RAD21: variants seen among roughly 807,000 people sequenced by gnomAD.
RAD21 encodes the protein double-strand-break repair protein rad21 homolog.
A neutral mutation model predicts 71.5 loss-of-function variants in RAD21; 18 were observed. The observed-to-expected ratio is 0.25, with a 90% CI of 0.17 to 0.37. RAD21 has a LOEUF of 0.37. Ranked by LOEUF, RAD21 falls within the 10% of genes least tolerant of loss-of-function variation. The probability of loss-of-function intolerance (pLI) is 1.00; values close to 1 mark genes in which losing one functional copy is unlikely to be tolerated. For synonymous variants in RAD21, 248 were observed against 254.0 expected, an observed-to-expected ratio of 0.98 and a Z score of 0.22; for missense variants, 493 against 769.1, an observed-to-expected ratio of 0.64 and a Z score of 4.25.
At chr8:116,857,594 T>C in intron 5 of RAD21, 121 bp from the exon 6 acceptor site, 2 of 837,756 alleles carry the variant, frequency 2.4e-6, no homozygotes, top group East Asian at 2.7e-5. Context: ...TTACTTCAAA[T>C]GTTAAAATAT....
intron 2 of RAD21, among the ~76,000 whole-genome samples, chr8:116,864,459 G>A (rs373132439): frequency 6.6e-6 from 1 of 151,998 alleles, no homozygotes; most frequent in African/African-American, 2.4e-5. Flanking sequence ...AGCATTTTAT[G>A]TGACTTACAG....
intron 8 of RAD21, among the ~76,000 whole-genome samples, chr8:116,855,902 C>T (rs1286146234): frequency 6.6e-6 from 1 of 152,108 alleles, no homozygotes; most frequent in African/African-American, 2.4e-5. Context: ...TTTTGTATTT[C>T]ACAGCAACTT....
At chr8:116,856,094 A>G in intron 8 of RAD21, 72 bp downstream of exon 8, 2 of 1,514,058 alleles carry the variant, frequency 1.3e-6, no homozygotes, top group South Asian at 1.2e-5. Flanking sequence ...GTAGCAGATC[A>G]GTAGACAGGC....
intron 1 of RAD21, among the ~76,000 whole-genome samples, chr8:116,869,355 C>G (rs945095557): frequency 1.3e-5 from 2 of 152,160 alleles, no homozygotes; most frequent in African/African-American, 4.8e-5. Flanking sequence ...CAGGCCAAGA[C>G]AGGCAGATCA....
rs7831930 is a variant in RAD21 at position 116,850,472 on chromosome 8, C to T, written c.1620+146G>A. On this transcript the variant is annotated intron_variant, in intron 12 of 13. Transcript: ENST00000297338. ...ATGTTCCTAATGATGATCAATACCA[C>T]GAAGAATATGGTAAAATTTTGCTTA... 0.022 allele frequency: 28,559 copies of T among 1,322,076 alleles called. 463 individuals are homozygous for T. Among genetic ancestry groups the T allele is most frequent in the Middle Eastern group, 0.071 (253 of 3,578 alleles). 81.9% of individuals were successfully genotyped at this position (1,322,076 alleles called of 1,614,324 possible). A position where few individuals can be genotyped will look rare whatever the true frequency, so the allele number is the denominator to read the frequency against.
chr8:116,863,742 C>T (rs138890344), intron 2 of RAD21, among the ~76,000 whole-genome samples: 77 of 152,172 alleles, frequency 5.1e-4, no homozygotes, highest in African/African-American at 1.8e-3. Context: ...TCTCTTCCTT[C>T]CCTCTTTCCT....
At position 116,847,328 on chromosome 8, in the gene RAD21, C is replaced by T; in HGVS notation, c.*172G>A. ...CACAACCCATCTAATCAGTTTCCCT[C>T]AAAGATGAAATTGACAAATTTAATG... On this transcript the variant is annotated 3_prime_UTR_variant, in exon 14 of 14. Coordinates refer to ENST00000297338, the MANE Select transcript of RAD21 (RefSeq NM_006265.3). 1.8e-6 allele frequency: 1 copy of T among 567,052 alleles called. No homozygotes were observed. Among genetic ancestry groups the T allele is most frequent in the South Asian group, 2.8e-5 (1 of 36,306 alleles). 35.1% of individuals were successfully genotyped at this position (567,052 alleles called of 1,614,324 possible). A position where few individuals can be genotyped will look rare whatever the true frequency, so the allele number is the denominator to read the frequency against.
At position 116,856,290 on chromosome 8, in the gene RAD21, TGTA is replaced by T; in HGVS notation, c.815-5_815-3del. The T allele has an allele frequency of 7.6e-7, 1 of 1,311,862 alleles. No individual in the cohort carries two copies. Among genetic ancestry groups the T allele is most frequent in the Non-Finnish European group, 9.6e-7 (1 of 1,045,342 alleles). The allele number at this position is 1,311,862 out of a possible 1,614,324, so 81.3% of individuals were successfully genotyped here. A position where few individuals can be genotyped will look rare whatever the true frequency, so the allele number is the denominator to read the frequency against. ...AATCAGGACTATCAGGCCCACCCACTGTAAAAAAAAAAAAAAAAAAAAAAAGTC... is the reference window on the plus strand; with the variant it reads ...AATCAGGACTATCAGGCCCACCCACTAAAAAAAAAAAAAAAAAAAAAAGTC... On this transcript the variant is annotated splice_polypyrimidine_tract_variant and splice_region_variant and intron_variant, in intron 7 of 13. Transcript: ENST00000297338.
chr8:116,857,577 TGA>T, intron 5 of RAD21, 104 bp from the exon 6 acceptor site: 1 of 977,544 alleles, frequency 1.0e-6, no homozygotes, highest in Non-Finnish European at 1.5e-6. Flanking sequence ...ATTTGCTTAC[TGA>T]AGTCTTACTT....
At chr8:116,867,618 G>T (rs967750083) in intron 1 of RAD21, among the ~76,000 whole-genome samples, 1 of 152,136 alleles carries the variant, frequency 6.6e-6, no homozygotes, top group Non-Finnish European at 1.5e-5. Context: ...TTCAGAGAAT[G>T]AATTTCCAGA....
At chr8:116,852,961 A>G (rs1174065908) in intron 9 of RAD21, among the ~76,000 whole-genome samples, 5 of 152,226 alleles carry the variant, frequency 3.3e-5, no homozygotes, top group African/African-American at 1.2e-4. Context: ...TTTTCTATTT[A>G]TCTGCCTGCA....
At chr8:116,869,392 C>A (rs1322609965) in intron 1 of RAD21, among the ~76,000 whole-genome samples, 1 of 152,194 alleles carries the variant, frequency 6.6e-6, no homozygotes, top group East Asian at 1.9e-4. Context: ...CAAGACCAGT[C>A]AGGACAATTT....
At position 116,846,361 on chromosome 8, in the gene RAD21, T is replaced by C. The variant is rs1812252986; in HGVS notation, c.*1139A>G. On this transcript the variant is annotated 3_prime_UTR_variant, in exon 14 of 14. Transcript: ENST00000297338. Reference sequence around the variant, plus strand: ...TCAGTGTTAACTTTGCCCTAAAAAGTTAAGACATTCTGATAATCATAACAG... The same window carrying C: ...TCAGTGTTAACTTTGCCCTAAAAAGCTAAGACATTCTGATAATCATAACAG... The C allele has an allele frequency of 5.4e-6, 1 of 185,452 alleles. No individual in the cohort carries two copies. The highest frequency in any genetic ancestry group is 3.4e-4 in the South Asian group (1 of 2,964). 11.5% of individuals were successfully genotyped at this position (185,452 alleles called of 1,614,324 possible).
intron 11 of RAD21, 154 bp downstream of exon 11, chr8:116,851,794 G>T: frequency 1.6e-6 from 1 of 640,786 alleles, no homozygotes; most frequent in Non-Finnish European, 2.5e-6. Flanking sequence ...ACTCCGAGTG[G>T]ACTGTCTATA....
At chr8:116,865,693 A>C (rs1453606878) in intron 2 of RAD21, among the ~76,000 whole-genome samples, 1 of 152,166 alleles carries the variant, frequency 6.6e-6, no homozygotes, top group African/African-American at 2.4e-5. Flanking sequence ...CATCTACAGA[A>C]ATCTGTAATA....
rs35902828 is a variant in RAD21, at chr8:116,856,292, TAA to T, written c.815-6_815-5del. 0.12 allele frequency: 123,945 copies of T among 1,029,390 alleles called. 4 individuals carry two copies. Among genetic ancestry groups the T allele is most frequent in the East Asian group, 0.17 (4,821 of 27,836 alleles). 63.8% of individuals were successfully genotyped at this position (1,029,390 alleles called of 1,614,324 possible). ...TCAGGACTATCAGGCCCACCCACTG[TAA>T]AAAAAAAAAAAAAAAAAAAAAGTCA... On this transcript the variant is annotated splice_polypyrimidine_tract_variant and splice_region_variant and intron_variant, in intron 7 of 13. Transcript: ENST00000297338.
chr8:116,859,359 ATT>A (rs1274970732), intron 4 of RAD21, among the ~76,000 whole-genome samples: 3 of 152,046 alleles, frequency 2.0e-5, no homozygotes, highest in African/African-American at 7.2e-5. Context: ...TCATTATTAT[ATT>A]TGTTATGGTG....
intron 12 of RAD21, among the ~76,000 whole-genome samples, chr8:116,850,172 T>A (rs763118219): frequency 6.6e-6 from 1 of 152,176 alleles, no homozygotes; most frequent in Non-Finnish European, 1.5e-5. Flanking sequence ...TTTAGCAAAG[T>A]TATGCTTTAC....
At chr8:116,862,422 GTTAAT>G (rs769446460) in intron 3 of RAD21, among the ~76,000 whole-genome samples, 12 of 151,976 alleles carry the variant, frequency 7.9e-5, no homozygotes, top group Admixed American at 7.9e-4. Flanking sequence ...TTGGTCACAT[GTTAAT>G]TTAAGTATTG....
Sources: gnomAD v4.1 joint callset for allele counts (sites outside exome capture counted in the v4.1 genomes callset) on GRCh38, gnomAD v4.1.1 for gene constraint, MANE v1.5 for transcripts, NCBI Gene and HGNC (gene_info 2026-07-23, HGNC 2026-07-21) for gene names.